The following ATP4A variants were observed in gnomAD, a reference collection of about 807,000 sequenced individuals.
ATP4A encodes potassium-transporting ATPase alpha chain 1.
Under a neutral mutation model 112.1 loss-of-function variants are expected in ATP4A, and 73 were observed. The ratio of observed to expected loss-of-function variants is 0.65; its 90% CI spans 0.54 to 0.79. The LOEUF is 0.79. Ranked by LOEUF, ATP4A falls within the 30% of genes least tolerant of loss-of-function variation. The pLI is 0.00. For synonymous variants in ATP4A, 588 were observed against 588.9 expected (o/e 1.00, Z 0.02); for missense variants, 1,081 against 1,425.9 (o/e 0.76, Z 3.90).
rs1294885410 is a variant in ATP4A at position 35,559,640 on chromosome 19, T to G, written c.1056+165A>C. Among the ~76,000 whole-genome samples, 2 of 152,154 alleles carry G rather than the reference T, an allele frequency of 1.3e-5. No homozygotes were observed. Among genetic ancestry groups the G allele is most frequent in the South Asian group, 4.1e-4 (2 of 4,828 alleles). On this transcript the variant is annotated intron_variant, in intron 7 of 21. Transcript: ENST00000262623. The surrounding 1 kb of genome is among the most constrained non-coding windows in gnomAD (Gnocchi z 4.1). The stretch of plus-strand genomic sequence containing the variant: ...GCACAGGACTTGCCCCAGGGTTGCC[T>G]CGGGAAGGACTTGCTGAATGAGTGG...
rs1357763033 is a variant in ATP4A, at chr19:35,553,836, A to G, written c.2482-7T>C. 1 of 1,562,508 alleles carries G rather than the reference A, an allele frequency of 6.4e-7. No individual in the cohort carries two copies. The highest frequency in any genetic ancestry group is 8.7e-7 in the Non-Finnish European group (1 of 1,152,794). On this transcript the variant is annotated splice_region_variant and splice_polypyrimidine_tract_variant and intron_variant, in intron 16 of 21. Transcript: ENST00000262623. ...CCAGGGACACAGATGGGAACTGGCC[A>G]GGAGTGGAAGGAACTGGGACTGAGG... is the stretch of plus-strand genomic sequence containing the variant.
At position 35,558,358 on chromosome 19, in the gene ATP4A, G is replaced by C; in HGVS notation, c.1500+4C>G. 2 of 1,608,258 alleles carry C rather than the reference G, an allele frequency of 1.2e-6. No individual in the cohort carries two copies. Among genetic ancestry groups the C allele is most frequent in the East Asian group, 4.5e-5 (2 of 44,614 alleles). The stretch of plus-strand genomic sequence containing the variant: ...CCAGGCCGTGGGCGGGGCCGGCTGC[G>C]CACCTGGAACTTGTTGGTGGAGTTG... On this transcript the variant is annotated splice_donor_region_variant and intron_variant, in intron 10 of 21. Transcript: ENST00000262623. The surrounding 1 kb of genome is among the most constrained non-coding windows in gnomAD (Gnocchi z 5.1).
In ATP4A at chr19:35,560,446, GGCTCAGACTCCCCTGTCA is replaced by G; in HGVS notation, c.686_703del (p.Leu229_Glu234del). 6.2e-7 allele frequency: 1 copy of G among 1,613,870 alleles called. No homozygotes were observed. The highest frequency in any genetic ancestry group is 8.5e-7 in the Non-Finnish European group (1 of 1,180,030). The stretch of plus-strand genomic sequence containing the variant: ...CGTGCACTCGGGTGAGCGGGTCTGT[GGCTCAGACTCCCCTGTCA>G]GCGAGGAGTTGTCCACCTTGCAGCC... On this transcript the variant is annotated inframe_deletion, in exon 6 of 22. Transcript: ENST00000262623. The surrounding 1 kb of genome is among the most constrained non-coding windows in gnomAD (Gnocchi z 5.1).
In ATP4A at chr19:35,562,627, C is replaced by G; in HGVS notation, c.228G>C (p.Ala76=). The change falls in exon 4 of 22, where the codon GCG becomes GCC. Residue 76 remains alanine, a synonymous_variant. Coordinates refer to ENST00000262623, the MANE Select transcript of ATP4A (RefSeq NM_000704.3). ...YQTSATKGLS[A]SLAAELLLRD... ...GCAGCAGCAGCTCAGCAGCCAGGCT[C>G]GCAGAGAGGCCCTGGGACAGAGGGG... 1 of 1,597,654 alleles carries G rather than the reference C, an allele frequency of 6.3e-7. No homozygotes were observed. Among genetic ancestry groups the G allele is most frequent in the Non-Finnish European group, 8.5e-7 (1 of 1,173,260 alleles).
Position 35,555,626 on chromosome 19 carries a change from G to A in ATP4A, c.2007-36C>T, listed in dbSNP as rs371581853. ...GATGGGAGGACCTCGCTGGGACCTC[G>A]GTCTGTGCCAGATGTGGGGAGAACC... On this transcript the variant is annotated intron_variant, in intron 13 of 21. Transcript: ENST00000262623. This position sits in a 1 kb window ranked among gnomAD's most constrained non-coding sequence, Gnocchi z 6.6. The A allele has an allele frequency of 9.0e-5, 142 of 1,580,342 alleles. No individual in the cohort carries two copies. The African/African-American group carries it at 1.6e-3, about 18-fold the overall frequency.
rs2071660223 is a variant in ATP4A at position 35,560,197 on chromosome 19, G to A, written c.788-124C>T. On this transcript the variant is annotated intron_variant, in intron 6 of 21. Transcript: ENST00000262623. This position sits in a 1 kb window ranked among gnomAD's most constrained non-coding sequence, Gnocchi z 5.1. ...TGTGACCTGGGAGAGGGTAGTGACA[G>A]TGGGAGACAGAGAAGCAGTGTGCCC... The A allele has an allele frequency of 6.6e-7, 1 of 1,525,156 alleles. No individual in the cohort carries two copies. The highest frequency in any genetic ancestry group is 8.9e-7 in the Non-Finnish European group (1 of 1,125,726). 94.5% of individuals were successfully genotyped at this position (1,525,156 alleles called of 1,614,324 possible).
chr19:35,559,672 G>A lies in ATP4A; in HGVS notation c.1056+133C>T, dbSNP rs1195007065. Reference sequence around the variant, plus strand: ...GGACTTGCTGAATGAGTGGATGATGGGAAGGCAGGAGAATGGATGGGAGCT... The same window carrying A: ...GGACTTGCTGAATGAGTGGATGATGAGAAGGCAGGAGAATGGATGGGAGCT... On this transcript the variant is annotated intron_variant, in intron 7 of 21. Transcript: ENST00000262623. This position sits in a 1 kb window ranked among gnomAD's most constrained non-coding sequence, Gnocchi z 4.1. The A allele has an allele frequency of 3.8e-5, 52 of 1,379,924 alleles. No homozygotes were observed. The highest frequency in any genetic ancestry group is 5.0e-5 in the Non-Finnish European group (52 of 1,030,382). The allele number at this position is 1,379,924 out of a possible 1,614,324, so 85.5% of individuals were successfully genotyped here.
At position 35,559,070 on chromosome 19, in the gene ATP4A, G is replaced by A; in HGVS notation, c.1178C>T (p.Thr393Ile). 1 of 1,614,204 alleles carries A rather than the reference G, an allele frequency of 6.2e-7. No homozygotes were observed. Among genetic ancestry groups the A allele is most frequent in the Non-Finnish European group, 8.5e-7 (1 of 1,180,022 alleles). The change falls in exon 8 of 22, where the codon ACT becomes ATT. Residue 393 changes from threonine to isoleucine, a missense_variant. Thr to Ile is a moderately conservative substitution (Grantham distance 89). Around this residue, in one of 3 missense-constraint regions of ATP4A, gnomAD observed 850 missense variants for 1,068.2 expected, o/e 0.80. Transcript: ENST00000262623. The surrounding 1 kb of genome is among the most constrained non-coding windows in gnomAD (Gnocchi z 4.1). Reference sequence around the variant, plus strand: ...ATGGGACACAGTCATGCGGTTCTGAGTGAGAGTCCCTGTCTTGTCCGAGCA... The same window carrying A: ...ATGGGACACAGTCATGCGGTTCTGAATGAGAGTCCCTGTCTTGTCCGAGCA... ...VICSDKTGTL[T>I]QNRMTVSHLW...
In ATP4A at chr19:35,558,368, C is replaced by T; in HGVS notation, c.1494G>A (p.Lys498=). Residue 498 remains lysine (K), a synonymous_variant, in exon 10 of 22, where the codon AAG becomes AAA. Transcript: ENST00000262623. This position sits in a 1 kb window ranked among gnomAD's most constrained non-coding sequence, Gnocchi z 5.1. ...VCEIPFNSTN[K]FQLSIHTLED... ...GGCGGGGCCGGCTGCGCACCTGGAA[C>T]TTGTTGGTGGAGTTGAAGGGTATCT... The T allele has an allele frequency of 4.3e-6, 7 of 1,610,500 alleles. No individual in the cohort carries two copies. Among genetic ancestry groups the T allele is most frequent in the South Asian group, 1.1e-5 (1 of 90,338 alleles).
At chr19:35,562,052 T>C (rs1443090489) in intron 4 of ATP4A, among the ~76,000 whole-genome samples, 1 of 151,824 alleles carries the variant, frequency 6.6e-6, no homozygotes, top group African/African-American at 2.4e-5. Context: ...GATGGGGTTT[T>C]GCCATGTTGG....
Position 35,559,756 on chromosome 19 carries a change from G to A in ATP4A, c.1056+49C>T. On this transcript the variant is annotated intron_variant, in intron 7 of 21. Coordinates refer to ENST00000262623, the MANE Select transcript of ATP4A (RefSeq NM_000704.3). The surrounding 1 kb of genome is among the most constrained non-coding windows in gnomAD (Gnocchi z 4.1). The stretch of plus-strand genomic sequence containing the variant: ...GGGAAATGTGGAGGAAAGAACAGAT[G>A]GTTGAGCAGGCCCCTCAGCTCCCTG... The A allele has an allele frequency of 6.3e-7, 1 of 1,595,870 alleles. No homozygotes were observed. Among genetic ancestry groups the A allele is most frequent in the Non-Finnish European group, 8.5e-7 (1 of 1,169,986 alleles).
In ATP4A at chr19:35,557,139, A is replaced by C; in HGVS notation, c.1694-51T>G. ...AAGAGCCCTGGGCACACCCTTTCTT[A>C]GCAGGGCCAGGAAATGGGTAAAATA... On this transcript the variant is annotated intron_variant, in intron 11 of 21. Transcript: ENST00000262623. The surrounding 1 kb of genome is among the most constrained non-coding windows in gnomAD (Gnocchi z 4.4). 6.3e-7 allele frequency: 1 copy of C among 1,599,140 alleles called. No homozygotes were observed. The highest frequency in any genetic ancestry group is 1.3e-5 in the African/African-American group (1 of 74,426).
intron 3 of ATP4A, 21 bp from the exon 4 acceptor site, chr19:35,562,659 G>A (rs747066527): frequency 2.1e-5 from 33 of 1,566,922 alleles, no homozygotes; most frequent in Non-Finnish European, 2.3e-5. Context: ...GGGGCAGGGC[G>A]AGGCGGTCCT....
In ATP4A at chr19:35,560,659, G is replaced by A; in HGVS notation, c.535-44C>T. ...AAAGTTGAGGTGGACGGGGGTGGGGGTGGGAGCTGCTGCATGTGGGGAGGT... is the reference window on the plus strand; with the variant it reads ...AAAGTTGAGGTGGACGGGGGTGGGGATGGGAGCTGCTGCATGTGGGGAGGT... On this transcript the variant is annotated intron_variant, in intron 5 of 21. Transcript: ENST00000262623. The surrounding 1 kb of genome is among the most constrained non-coding windows in gnomAD (Gnocchi z 5.1). The A allele has an allele frequency of 6.4e-7, 1 of 1,556,014 alleles. No homozygotes were observed. Among genetic ancestry groups the A allele is most frequent in the Non-Finnish European group, 8.8e-7 (1 of 1,134,252 alleles).
chr19:35,553,240 G>A, intron 17 of ATP4A, 58 bp from the exon 18 acceptor site: 1 of 1,542,454 alleles, frequency 6.5e-7, no homozygotes, highest in Non-Finnish European at 8.8e-7. Flanking sequence ...CAGGGACACA[G>A]GAAGAGAGGG....
chr19:35,557,948 C>G lies in ATP4A; in HGVS notation c.1501-101G>C, dbSNP rs1308865966. The stretch of plus-strand genomic sequence containing the variant: ...CTGAGGAGAGGGGCGGGGCCGAGAG[C>G]TCGGTGCGGGCTCTGAGAGCTGCGG... On this transcript the variant is annotated intron_variant, in intron 10 of 21. Coordinates refer to ENST00000262623, the MANE Select transcript of ATP4A (RefSeq NM_000704.3). The surrounding 1 kb of genome is among the most constrained non-coding windows in gnomAD (Gnocchi z 4.4). 1.0e-6 allele frequency: 1 copy of G among 957,574 alleles called. No homozygotes were observed. Among genetic ancestry groups the G allele is most frequent in the Admixed American group, 3.1e-5 (1 of 32,724 alleles). The allele number at this position is 957,574 out of a possible 1,614,324, so 59.3% of individuals were successfully genotyped here. A position where few individuals can be genotyped will look rare whatever the true frequency, so the allele number is the denominator to read the frequency against.
Position 35,555,541 on chromosome 19 carries a change from G to A in ATP4A, c.2056C>T (p.Pro686Ser). The stretch of plus-strand genomic sequence containing the variant: ...CGCAGGGCCTCGACCAGTTCCGATG[G>A]GTCCATGTCCTTCAGCTGCATGCCA... ...INGMQLKDMD[P>S]SELVEALRTH... The change falls in exon 14 of 22, where the codon CCA becomes TCA. Residue 686 changes from proline to serine, a missense_variant. By Grantham distance (74) the Pro-to-Ser change is moderately conservative (BLOSUM62 -1). Coordinates refer to ENST00000262623, the MANE Select transcript of ATP4A (RefSeq NM_000704.3). The surrounding 1 kb of genome is among the most constrained non-coding windows in gnomAD (Gnocchi z 6.6). 1 of 1,596,862 alleles carries A rather than the reference G, an allele frequency of 6.3e-7. No homozygotes were observed. Among genetic ancestry groups the A allele is most frequent in the Non-Finnish European group, 8.6e-7 (1 of 1,168,068 alleles).
rs1402442193 is a variant in ATP4A at position 35,557,185 on chromosome 19, C to T, written c.1694-97G>A. 3.6e-6 allele frequency: 5 copies of T among 1,403,084 alleles called. No homozygotes were observed. The highest frequency in any genetic ancestry group is 4.9e-6 in the Non-Finnish European group (5 of 1,013,106). 86.9% of individuals were successfully genotyped at this position (1,403,084 alleles called of 1,614,324 possible). A position where few individuals can be genotyped will look rare whatever the true frequency, so the allele number is the denominator to read the frequency against. ...AAATAACCAGGCCCCTTGCACCAAA[C>T]ACCTATGGATGCCTGACCTTGTGCT... On this transcript the variant is annotated intron_variant, in intron 11 of 21. Transcript: ENST00000262623. The surrounding 1 kb of genome is among the most constrained non-coding windows in gnomAD (Gnocchi z 4.4).
Position 35,557,579 on chromosome 19 carries a change from G to T in ATP4A, c.1693+76C>A. 1 of 1,483,610 alleles carries T rather than the reference G, an allele frequency of 6.7e-7. No individual in the cohort carries two copies. The highest frequency in any genetic ancestry group is 9.1e-7 in the Non-Finnish European group (1 of 1,102,758). The allele number at this position is 1,483,610 out of a possible 1,614,324, so 91.9% of individuals were successfully genotyped here. A position where few individuals can be genotyped will look rare whatever the true frequency, so the allele number is the denominator to read the frequency against. On this transcript the variant is annotated intron_variant, in intron 11 of 21. Coordinates refer to ENST00000262623, the MANE Select transcript of ATP4A (RefSeq NM_000704.3). This position sits in a 1 kb window ranked among gnomAD's most constrained non-coding sequence, Gnocchi z 4.4. ...CCAGGGATGAGGACGGTCAGGGCTG[G>T]GCCGGGAGTGGTGGGCAGGGTCTGT...
Sources: gnomAD v4.1 joint callset for allele counts (sites outside exome capture counted in the v4.1 genomes callset) on GRCh38, gnomAD v4.1.1 for gene constraint, gnomAD v4.1.1 regional missense constraint, Gnocchi (gnomAD v3.1) non-coding constraint, MANE v1.5 for transcripts, NCBI Gene and HGNC (gene_info 2026-07-23, HGNC 2026-07-21) for gene names.